NRG3: variants seen among roughly 807,000 people sequenced by gnomAD.
The protein encoded by NRG3 is neuregulin 3.
Under a neutral mutation model 66.9 loss-of-function variants are expected in NRG3, and 31 were observed. The observed-to-expected ratio is 0.46, with a 90% CI of 0.35 to 0.63. The LOEUF (loss-of-function observed/expected upper bound fraction) is 0.63, where lower values mean the gene tolerates loss of function less well. Ranked by LOEUF, NRG3 falls within the 20% of genes least tolerant of loss-of-function variation. The pLI, the probability that NRG3 is intolerant of heterozygous loss-of-function variation, is 0.00. For missense variants in NRG3, 910 were observed against 878.9 expected, an observed-to-expected ratio of 1.04 and a Z score of -0.45; for synonymous variants, 393 against 359.4, an observed-to-expected ratio of 1.09 and a Z score of -1.06.
intron 2 of NRG3, among the ~76,000 whole-genome samples, chr10:82,362,079 CAAAAAAA>C (rs58975630): frequency 2.2e-4 from 3 of 13,930 alleles, no homozygotes; most frequent in African/African-American, 4.6e-4. Flanking sequence ...AAAGTACATG[CAAAAAAA>C]AAAAAAAAAA....
chr10:82,217,406 TC>T (rs1454929179), intron 1 of NRG3, among the ~76,000 whole-genome samples: 1 of 152,112 alleles, frequency 6.6e-6, no homozygotes, highest in Non-Finnish European at 1.5e-5. Context: ...ATTCTGAGGC[TC>T]CCTCCCAGAC....
intron 4 of NRG3, among the ~76,000 whole-genome samples, chr10:82,875,556 C>G (rs950924831): frequency 6.6e-6 from 1 of 152,096 alleles, no homozygotes. Flanking sequence ...TGAGGCTTCT[C>G]TATGTTGCCA....
At chr10:82,971,088 G>T (rs1367035005) in intron 6 of NRG3, among the ~76,000 whole-genome samples, 2 of 152,066 alleles carry the variant, frequency 1.3e-5, no homozygotes, top group Non-Finnish European at 2.9e-5. Flanking sequence ...AAGGCGAAGG[G>T]TGCCATGCTC....
intron 2 of NRG3, among the ~76,000 whole-genome samples, chr10:82,531,239 C>T (rs944641663): frequency 4.0e-5 from 6 of 151,622 alleles, no homozygotes; most frequent in Non-Finnish European, 7.4e-5. Context: ...TACAGGTTTA[C>T]AGGTAATTAA....
At chr10:81,910,623 A>G (rs1261129109) in intron 1 of NRG3, among the ~76,000 whole-genome samples, 2 of 152,170 alleles carry the variant, frequency 1.3e-5, no homozygotes, top group African/African-American at 2.4e-5. Context: ...ACTAAGGAGC[A>G]CAATTATTTT....
At chr10:82,585,485 T>C (rs970886140) in intron 2 of NRG3, among the ~76,000 whole-genome samples, 2 of 152,196 alleles carry the variant, frequency 1.3e-5, no homozygotes, top group Non-Finnish European at 2.9e-5. Flanking sequence ...TTGAGAGTTT[T>C]GTTAACTACA....
intron 1 of NRG3, among the ~76,000 whole-genome samples, chr10:82,015,259 A>G (rs1348677788): frequency 2.0e-5 from 3 of 152,216 alleles, no homozygotes; most frequent in Non-Finnish European, 4.4e-5. Flanking sequence ...AACCTTCACC[A>G]GATTTTGAAA....
At chr10:81,960,825 TC>T (rs1850286766) in intron 1 of NRG3, among the ~76,000 whole-genome samples, 1 of 152,144 alleles carries the variant, frequency 6.6e-6, no homozygotes, top group East Asian at 1.9e-4. Context: ...GTTCAACACT[TC>T]CTATTTCAAG....
intron 1 of NRG3, among the ~76,000 whole-genome samples, chr10:82,213,659 TTA>T (rs2075514783): frequency 6.6e-6 from 1 of 152,192 alleles, no homozygotes; most frequent in Non-Finnish European, 1.5e-5. Flanking sequence ...ATCAATGTGT[TTA>T]TGTTTACTGT....
intron 3 of NRG3, among the ~76,000 whole-genome samples, chr10:82,787,541 A>G (rs1215778277): frequency 1.3e-5 from 2 of 152,186 alleles, no homozygotes; most frequent in Non-Finnish European, 2.9e-5. Context: ...AAGGTATTTC[A>G]TGGAGACAGG....
intron 1 of NRG3, among the ~76,000 whole-genome samples, chr10:81,997,729 G>T (rs997588878): frequency 1.3e-5 from 2 of 151,946 alleles, no homozygotes; most frequent in Non-Finnish European, 2.9e-5. Flanking sequence ...TCAGATAAGC[G>T]CAGCATACTC....
chr10:82,785,246 C>G (rs1441398935), intron 3 of NRG3, among the ~76,000 whole-genome samples: 3 of 151,714 alleles, frequency 2.0e-5, no homozygotes, highest in South Asian at 2.1e-4. Flanking sequence ...GGAGATATAC[C>G]TAATGCTAAA....
chr10:82,413,537 T>G (rs746245826), intron 2 of NRG3, among the ~76,000 whole-genome samples: 29 of 152,180 alleles, frequency 1.9e-4, no homozygotes, highest in Non-Finnish European at 3.2e-4. Context: ...TGGCTTCAAC[T>G]TAAAGTAACC....
chr10:82,718,056 C>A (rs1483355013), intron 2 of NRG3, among the ~76,000 whole-genome samples: 2 of 152,106 alleles, frequency 1.3e-5, no homozygotes, highest in African/African-American at 4.8e-5. Context: ...AATTCATTTT[C>A]AATGTCTCTG....
chr10:82,239,995 A>T (rs555752117), intron 1 of NRG3, among the ~76,000 whole-genome samples: 4 of 152,220 alleles, frequency 2.6e-5, no homozygotes, highest in Admixed American at 6.5e-5. Flanking sequence ...TATTTTTTTT[A>T]AAATAAGTGC....
intron 1 of NRG3, among the ~76,000 whole-genome samples, chr10:82,043,559 T>A (rs2063136165): frequency 1.3e-5 from 2 of 151,996 alleles, no homozygotes; most frequent in African/African-American, 2.4e-5. Context: ...TTTGATCAAT[T>A]TCTGTTTGGG....
At chr10:82,114,105 CT>C (rs1393240194) in intron 1 of NRG3, among the ~76,000 whole-genome samples, 1 of 152,114 alleles carries the variant, frequency 6.6e-6, no homozygotes, top group Non-Finnish European at 1.5e-5. Context: ...TGACTGACAT[CT>C]TTGATTTAGC....
At chr10:81,938,906 A>G (rs1848154640) in intron 1 of NRG3, among the ~76,000 whole-genome samples, 1 of 151,932 alleles carries the variant, frequency 6.6e-6, no homozygotes. Flanking sequence ...TTTCATATAT[A>G]GCCTTTAATA....
chr10:82,987,103 CT>C lies in NRG3; in HGVS notation c.*1503del, dbSNP rs1177285095. The C allele has an allele frequency of 1.3e-5, 2 of 152,110 alleles. No individual in the cohort carries two copies. Among genetic ancestry groups the C allele is most frequent in the African/African-American group, 4.8e-5 (2 of 41,420 alleles). 9.4% of individuals were successfully genotyped at this position (152,110 alleles called of 1,614,324 possible). A position where few individuals can be genotyped will look rare whatever the true frequency, so the allele number is the denominator to read the frequency against. On this transcript the variant is annotated 3_prime_UTR_variant, in exon 9 of 9. Transcript: ENST00000372141. Reference sequence around the variant, plus strand: ...GGAAATTAGTGTTCACATATCCAGTCTTTTTCCAATTATTGGTGGTGTTGAG... The same window carrying C: ...GGAAATTAGTGTTCACATATCCAGTCTTTTCCAATTATTGGTGGTGTTGAG...
Sources: gnomAD v4.1 joint callset for allele counts (sites outside exome capture counted in the v4.1 genomes callset) on GRCh38, gnomAD v4.1.1 for gene constraint, MANE v1.5 for transcripts, NCBI Gene and HGNC (gene_info 2026-07-23, HGNC 2026-07-21) for gene names.